The following CELF2 variants were observed in gnomAD, a reference collection of about 807,000 sequenced individuals.
CELF2 encodes the protein CUG triplet repeat RNA-binding protein 2.
A neutral mutation model predicts 62.6 loss-of-function variants in CELF2; 8 were observed. The observed-to-expected ratio is 0.13, with a 90% CI of 0.07 to 0.23. CELF2 has a LOEUF of 0.23. Ranked by LOEUF, CELF2 falls within the 10% of genes least tolerant of loss-of-function variation. The pLI is 1.00. For synonymous variants in CELF2, 258 were observed against 250.0 expected (o/e 1.03, Z -0.30); for missense variants, 333 against 671.0 (o/e 0.50, Z 5.56).
the CELF2 span, among the ~76,000 whole-genome samples, chr10:10,604,232 A>G: frequency 6.6e-6 from 1 of 152,206 alleles, no homozygotes; most frequent in African/African-American, 2.4e-5. Context: ...AAAGATTTAC[A>G]AACAATAACT....
chr10:10,558,045 G>T, the CELF2 span, among the ~76,000 whole-genome samples: 16 of 146,206 alleles, frequency 1.1e-4, no homozygotes, highest in Middle Eastern at 3.7e-3. Context: ...CTGCCTAATT[G>T]CCCTGGCCAG....
rs890968597 is a variant in CELF2 at position 11,311,232 on chromosome 10, T to A, written c.977-2907T>A. Among the ~76,000 whole-genome samples the A allele has an allele frequency of 5.3e-5, 8 of 152,174 alleles. No individual in the cohort carries two copies. Among genetic ancestry groups the A allele is most frequent in the Admixed American group, 2.0e-4 (3 of 15,268 alleles). ...ATTTCCCTCTGAGAATTCATAACAA[T>A]AAACCATCCCTCACGTGAGTTTACA... On this transcript the variant is annotated intron_variant, in intron 9 of 12. Coordinates refer to ENST00000633077, the MANE Select transcript of CELF2 (RefSeq NM_001326342.2). The surrounding 1 kb of genome is among the most constrained non-coding windows in gnomAD (Gnocchi z 4.7).
the CELF2 span, among the ~76,000 whole-genome samples, chr10:10,761,905 C>CGTGTGTGTGTGTGTGT: frequency 3.1e-5 from 4 of 128,880 alleles, no homozygotes; most frequent in Admixed American, 1.6e-4. Context: ...TATAATAAAC[C>CGTGTGTGTGTGTGTGT]GTGTGTGTGT....
At chr10:10,736,629 T>G in the CELF2 span, among the ~76,000 whole-genome samples, 1 of 151,996 alleles carries the variant, frequency 6.6e-6, no homozygotes, top group Non-Finnish European at 1.5e-5. Flanking sequence ...TTGTTTTGAT[T>G]CACAAAACAG....
At chr10:11,090,861 C>A (rs1479952059) in intron 1 of CELF2, among the ~76,000 whole-genome samples, 1 of 152,156 alleles carries the variant, frequency 6.6e-6, no homozygotes, top group Non-Finnish European at 1.5e-5. Flanking sequence ...AGTTAAAAAT[C>A]ATATGTGCAT....
At chr10:10,696,701 C>G in the CELF2 span, among the ~76,000 whole-genome samples, 3 of 152,124 alleles carry the variant, frequency 2.0e-5, no homozygotes, top group Admixed American at 6.5e-5. Flanking sequence ...GATATAGTCT[C>G]GTGGTGCGCC....
chr10:10,752,901 A>C, the CELF2 span, among the ~76,000 whole-genome samples: 1 of 151,984 alleles, frequency 6.6e-6, no homozygotes, highest in East Asian at 1.9e-4. Context: ...GTTCAGGAGA[A>C]TCCTAGTTCA....
the CELF2 span, among the ~76,000 whole-genome samples, chr10:10,574,872 GTTTTTTTTTTTTTTT>G: frequency 9.4e-6 from 1 of 105,980 alleles, no homozygotes; most frequent in Non-Finnish European, 2.0e-5. Context: ...ACCATGCCTG[GTTTTTTTTTTTTTTT>G]TTTTTTTTTT....
At chr10:10,488,815 C>A in the CELF2 span, among the ~76,000 whole-genome samples, 757 of 152,186 alleles carry the variant, frequency 5.0e-3, 8 homozygotes, top group African/African-American at 0.017. Flanking sequence ...ATTATCAAAT[C>A]TTTCCATTCT....
the CELF2 span, among the ~76,000 whole-genome samples, chr10:10,573,631 T>C: frequency 6.6e-6 from 1 of 152,182 alleles, no homozygotes; most frequent in African/African-American, 2.4e-5. Context: ...ATTGTTTTTA[T>C]TGATTACAAA....
At chr10:10,658,982 A>T in the CELF2 span, among the ~76,000 whole-genome samples, 28 of 152,156 alleles carry the variant, frequency 1.8e-4, no homozygotes, top group Non-Finnish European at 2.9e-5. Flanking sequence ...GAACTCATAA[A>T]CAGATCTGCA....
At position 11,159,999 on chromosome 10, in the gene CELF2, A is replaced by G. The variant is rs656006; in HGVS notation, c.75-5487A>G. Among the ~76,000 whole-genome samples, 56,190 of 152,110 alleles carry G rather than the reference A, an allele frequency of 0.37. 11,193 individuals are homozygous for G. The highest frequency in any genetic ancestry group is 0.83 in the East Asian group (4,266 of 5,162). On this transcript the variant is annotated intron_variant, in intron 1 of 12. Coordinates refer to ENST00000633077, the MANE Select transcript of CELF2 (RefSeq NM_001326342.2). This position sits in a 1 kb window ranked among gnomAD's most constrained non-coding sequence, Gnocchi z 5.0. ...CACTCAGCGGCCTGTCGGAGCCTCC[A>G]GGCTACTCTCCATAGTGTCAGTGAC...
chr10:10,652,526 G>A, the CELF2 span, among the ~76,000 whole-genome samples: 14 of 138,626 alleles, frequency 1.0e-4, no homozygotes, highest in South Asian at 1.6e-3. Context: ...CGGATCTCTC[G>A]GCAGAAACCC....
At chr10:10,542,368 G>GA in the CELF2 span, among the ~76,000 whole-genome samples, 9 of 151,754 alleles carry the variant, frequency 5.9e-5, no homozygotes, top group South Asian at 2.1e-4. Flanking sequence ...GATGAGGAAA[G>GA]AAAAAAAACA....
chr10:10,643,665 T>C, the CELF2 span, among the ~76,000 whole-genome samples: 1 of 152,144 alleles, frequency 6.6e-6, no homozygotes, highest in Admixed American at 6.5e-5. Flanking sequence ...ATAATGGAGG[T>C]TATAAAACAA....
At chr10:10,932,223 A>G (rs1176786907) in intron 2 of CELF2, among the ~76,000 whole-genome samples, 2 of 152,214 alleles carry the variant, frequency 1.3e-5, no homozygotes, top group African/African-American at 2.4e-5. Flanking sequence ...TCCAACTCAT[A>G]GAAGCAGAGT....
chr10:11,232,512 A>G (rs1473673112), intron 3 of CELF2, among the ~76,000 whole-genome samples: 5 of 152,194 alleles, frequency 3.3e-5, no homozygotes, highest in Non-Finnish European at 7.3e-5. Flanking sequence ...ATTAGTGGAA[A>G]TGAGCTCTGG....
Position 11,098,104 on chromosome 10 carries a change from A to T in CELF2, c.75-67382A>T, listed in dbSNP as rs970829353. Reference sequence around the variant, plus strand: ...GCAAATTCAGGATGATGTGAGAAAGAAAGTCACGTGGCTAGTGAAGGTTGA... The same window carrying T: ...GCAAATTCAGGATGATGTGAGAAAGTAAGTCACGTGGCTAGTGAAGGTTGA... On this transcript the variant is annotated intron_variant, in intron 1 of 12. Coordinates refer to ENST00000633077, the MANE Select transcript of CELF2 (RefSeq NM_001326342.2). The surrounding 1 kb of genome is among the most constrained non-coding windows in gnomAD (Gnocchi z 4.0). 2.6e-5 allele frequency: 4 copies of T among 152,428 alleles called. No individual in the cohort carries two copies. The highest frequency in any genetic ancestry group is 7.2e-5 in the African/African-American group (3 of 41,466). The allele number at this position is 152,428 out of a possible 1,614,324, so 9.4% of individuals were successfully genotyped here.
Position 11,270,845 on chromosome 10 carries a change from G to A in CELF2, c.777+21G>A, listed in dbSNP as rs367807935. 1.6e-5 allele frequency: 22 copies of A among 1,349,390 alleles called. No homozygotes were observed. In the African/African-American group the frequency reaches 3.1e-4, roughly 19 times the overall value. The allele number at this position is 1,349,390 out of a possible 1,614,324, so 83.6% of individuals were successfully genotyped here. A position where few individuals can be genotyped will look rare whatever the true frequency, so the allele number is the denominator to read the frequency against. On this transcript the variant is annotated intron_variant, in intron 7 of 12. Transcript: ENST00000633077. The surrounding 1 kb of genome is among the most constrained non-coding windows in gnomAD (Gnocchi z 5.8). ...TGGCGGTAAGTGCTGGGCAATGCCGGCGTGGTCTTCACCCGCTGAAACTCT... is the reference window on the plus strand; with the variant it reads ...TGGCGGTAAGTGCTGGGCAATGCCGACGTGGTCTTCACCCGCTGAAACTCT...
Sources: allele counts gnomAD v4.1 joint callset (sites outside exome capture counted in the v4.1 genomes callset), GRCh38; gene constraint gnomAD v4.1.1; non-coding constraint Gnocchi (gnomAD v3.1); transcripts MANE v1.5; gene names NCBI Gene and HGNC (gene_info 2026-07-23, HGNC 2026-07-21).